DENND1A: variants seen among roughly 807,000 people sequenced by gnomAD.
The protein encoded by DENND1A is DENN domain-containing protein 1A.
A neutral mutation model predicts 113.7 loss-of-function variants in DENND1A; 51 were observed. The ratio of observed to expected loss-of-function variants is 0.45; its 90% CI spans 0.36 to 0.57. DENND1A has a LOEUF of 0.57. Ranked by LOEUF, DENND1A falls within the 20% of genes least tolerant of loss-of-function variation. DENND1A has a pLI of 0.00. For synonymous variants in DENND1A, 565 were observed against 570.8 expected, an observed-to-expected ratio of 0.99 and a Z score of 0.14; for missense variants, 1,258 against 1,395.9, an observed-to-expected ratio of 0.90 and a Z score of 1.57.
chr9:123,530,531 T>C (rs2055211113), intron 13 of DENND1A, among the ~76,000 whole-genome samples: 1 of 152,184 alleles, frequency 6.6e-6, no homozygotes. Flanking sequence ...AAGATATAAT[T>C]CAGCAAGAAG....
chr9:123,924,846 T>TCC (rs1856831670), intron 1 of DENND1A, among the ~76,000 whole-genome samples: 1 of 152,154 alleles, frequency 6.6e-6, no homozygotes, highest in Non-Finnish European at 1.5e-5. Flanking sequence ...TGGCCTTCTG[T>TCC]CCGTTCCTGA....
chr9:123,786,418 C>G (rs748205696), intron 3 of DENND1A, among the ~76,000 whole-genome samples: 6 of 152,162 alleles, frequency 3.9e-5, no homozygotes, highest in Admixed American at 1.3e-4. Flanking sequence ...GACATTCCCA[C>G]TTTCAAGTGT....
At chr9:123,848,004 T>TA (rs957918208) in intron 2 of DENND1A, among the ~76,000 whole-genome samples, 4 of 151,974 alleles carry the variant, frequency 2.6e-5, no homozygotes, top group South Asian at 4.2e-4. Flanking sequence ...ATTGGTTATA[T>TA]AAAAAAATCA....
chr9:123,860,298 T>C (rs190079455), intron 2 of DENND1A, among the ~76,000 whole-genome samples: 54 of 152,358 alleles, frequency 3.5e-4, no homozygotes, highest in Non-Finnish European at 5.9e-4. Context: ...TTTTGTTACA[T>C]AGTATAATGA....
At chr9:123,469,070 G>A (rs1014756203) in intron 13 of DENND1A, among the ~76,000 whole-genome samples, 4 of 152,228 alleles carry the variant, frequency 2.6e-5, no homozygotes, top group African/African-American at 9.6e-5. Context: ...ACCATCAGGT[G>A]GACTTGGGAA....
intron 13 of DENND1A, among the ~76,000 whole-genome samples, chr9:123,467,963 G>A (rs1175920214): frequency 2.0e-5 from 3 of 152,166 alleles, no homozygotes; most frequent in Admixed American, 2.0e-4. Context: ...CCTTCTTCAT[G>A]GTACTTCCTT....
chr9:123,805,421 G>A (rs73580075), intron 2 of DENND1A, among the ~76,000 whole-genome samples: 2,076 of 150,124 alleles, frequency 0.014, 58 homozygotes, highest in African/African-American at 0.049. Flanking sequence ...CACATAGCCT[G>A]AAGGTAATTT....
intron 13 of DENND1A, among the ~76,000 whole-genome samples, chr9:123,553,494 C>G (rs941335708): frequency 2.0e-5 from 3 of 151,524 alleles, no homozygotes; most frequent in African/African-American, 7.3e-5. Context: ...CAGCCACTGT[C>G]AATGATGTCT....
rs1057061605 is a variant in DENND1A at position 123,834,096 on chromosome 9, A to G, written c.89-41466T>C. ...AATAGAATACAGTTGTCTATTTTTTATTATCACTACTGTTAAATGAACAAA... is the reference window on the plus strand; with the variant it reads ...AATAGAATACAGTTGTCTATTTTTTGTTATCACTACTGTTAAATGAACAAA... On this transcript the variant is annotated intron_variant, in intron 2 of 23. Coordinates refer to ENST00000394215, the MANE Select transcript of DENND1A (RefSeq NM_001352964.2). 5.9e-5 allele frequency among the ~76,000 whole-genome samples: 9 copies of G among 152,220 alleles called. 1 individual carries two copies. Among genetic ancestry groups the G allele is most frequent in the Non-Finnish European group, 1.5e-5 (1 of 68,032 alleles).
At chr9:123,770,265 A>T (rs1237915680) in intron 3 of DENND1A, among the ~76,000 whole-genome samples, 1 of 152,186 alleles carries the variant, frequency 6.6e-6, no homozygotes, top group Non-Finnish European at 1.5e-5. Context: ...TACCAGTTTA[A>T]ATGTCTTTCT....
At chr9:123,481,247 A>G (rs1564568835) in intron 13 of DENND1A, among the ~76,000 whole-genome samples, 1 of 152,248 alleles carries the variant, frequency 6.6e-6, no homozygotes, top group Non-Finnish European at 1.5e-5. Flanking sequence ...TTATGAGGCT[A>G]AAATATGCAT....
chr9:123,855,811 G>A (rs1451979666), intron 2 of DENND1A, among the ~76,000 whole-genome samples: 1 of 152,182 alleles, frequency 6.6e-6, no homozygotes, highest in Non-Finnish European at 1.5e-5. Flanking sequence ...GCTGAGGCAG[G>A]CGGATCACCT....
At chr9:123,625,276 A>C (rs1372778657) in intron 10 of DENND1A, among the ~76,000 whole-genome samples, 3 of 152,214 alleles carry the variant, frequency 2.0e-5, no homozygotes, top group Admixed American at 1.3e-4. Flanking sequence ...GGGTTGTTGG[A>C]AGAATTCAAC....
At chr9:123,622,124 A>T (rs1331226456) in intron 10 of DENND1A, among the ~76,000 whole-genome samples, 3 of 152,196 alleles carry the variant, frequency 2.0e-5, no homozygotes, top group Non-Finnish European at 4.4e-5. Context: ...TTCACTGTAC[A>T]TATCCTATTT....
At chr9:123,881,970 T>C (rs1848373760) in intron 1 of DENND1A, among the ~76,000 whole-genome samples, 1 of 152,200 alleles carries the variant, frequency 6.6e-6, no homozygotes, top group South Asian at 2.1e-4. Context: ...AATGTCTTTC[T>C]TTTCTTGGCT....
At chr9:123,650,479 C>G (rs563241984) in intron 9 of DENND1A, among the ~76,000 whole-genome samples, 1 of 152,258 alleles carries the variant, frequency 6.6e-6, no homozygotes, top group Non-Finnish European at 1.5e-5. Context: ...CTCTCTCTAA[C>G]AGAGGGATGC....
chr9:123,690,374 G>A (rs2065116268), intron 5 of DENND1A, among the ~76,000 whole-genome samples: 1 of 152,100 alleles, frequency 6.6e-6, no homozygotes, highest in Non-Finnish European at 1.5e-5. Context: ...AAAGTTGCCT[G>A]TTAAGTACTG....
intron 5 of DENND1A, among the ~76,000 whole-genome samples, chr9:123,724,982 G>A (rs1288535976): frequency 1.3e-4 from 20 of 152,132 alleles, no homozygotes; most frequent in Admixed American, 1.0e-3. Flanking sequence ...ATTAACAAAT[G>A]CATCTTCAGG....
chr9:123,381,854 G>C lies in DENND1A; in HGVS notation c.2791C>G (p.Leu931Val). ...CAGAAGCCAGCACTGGACAGCAGGA[G>C]GCCGGACGCAAAAGCCGGCCCCAGG... ...ASLGPAFASG[L>V]LLSSAGFCAP... The change falls in exon 24 of 24, where the codon CTC (leucine) becomes GTC (valine). Residue 931 changes from leucine (L) to valine (V), a missense_variant. Physicochemically the swap from Leu to Val is conservative, Grantham distance 32. Transcript: ENST00000394215. The surrounding 1 kb of genome is among the most constrained non-coding windows in gnomAD (Gnocchi z 4.7). The C allele has an allele frequency of 6.8e-7, 1 of 1,474,466 alleles. No homozygotes were observed. Among genetic ancestry groups the C allele is most frequent in the Non-Finnish European group, 9.0e-7 (1 of 1,112,462 alleles). 91.3% of individuals were successfully genotyped at this position (1,474,466 alleles called of 1,614,324 possible).
Sources: allele counts gnomAD v4.1 joint callset (sites outside exome capture counted in the v4.1 genomes callset), GRCh38; gene constraint gnomAD v4.1.1; non-coding constraint Gnocchi (gnomAD v3.1); transcripts MANE v1.5; gene names NCBI Gene and HGNC (gene_info 2026-07-23, HGNC 2026-07-21).